Variants in NUP153 observed in about 807,000 individuals in gnomAD.
The protein encoded by NUP153 is nucleoporin 153.
In NUP153, 27 loss-of-function variants were observed where a neutral mutation model predicts 134.6. That is an observed-to-expected ratio of 0.20 (90% CI 0.15 to 0.28). The LOEUF is 0.28. Among genes scored for constraint, NUP153 ranks in the 10% least tolerant of loss-of-function variants. NUP153 has a pLI of 1.00. For missense variants in NUP153, 1,821 were observed against 1,731.3 expected (o/e 1.05, Z -0.92); for synonymous variants, 640 against 623.5 (o/e 1.03, Z -0.40).
At chr6:17,670,122 T>G (rs1212945574) in intron 5 of NUP153, among the ~76,000 whole-genome samples, 1 of 119,152 alleles carries the variant, frequency 8.4e-6, no homozygotes, top group Non-Finnish European at 1.8e-5. Context: ...AAAAAAAAAG[T>G]ACTACACGCT....
At chr6:17,616,290 G>GGGGGGGGGGGCCCCCC in intron 21 of NUP153, 109 bp from the exon 22 acceptor site, 1 of 473,886 alleles carries the variant, frequency 2.1e-6, no homozygotes, top group Non-Finnish European at 3.9e-6. Context: ...GGTGGGGGGG[G>GGGGGGGGGGGCCCCCC]AGTAGACTCA....
chr6:17,661,803 A>C, intron 10 of NUP153, 24 bp from the exon 11 acceptor site: 2 of 1,604,756 alleles, frequency 1.2e-6, no homozygotes, highest in Non-Finnish European at 1.7e-6. Flanking sequence ...AGAAAATTAA[A>C]ACAACTGATA....
intron 16 of NUP153, 60 bp downstream of exon 16, chr6:17,637,093 T>C: frequency 6.9e-7 from 1 of 1,451,938 alleles, no homozygotes; most frequent in Non-Finnish European, 9.3e-7. Context: ...ATTCTTAGAA[T>C]AAATTAAACT....
rs1209368855 is a variant in NUP153 at position 17,632,700 on chromosome 6, T to A, written c.2609A>T (p.Lys870Ile). The A allele has an allele frequency of 6.2e-7, 1 of 1,612,960 alleles. No individual in the cohort carries two copies. Among genetic ancestry groups the A allele is most frequent in the African/African-American group, 1.3e-5 (1 of 74,852 alleles). ...CTTTGCACTTTCACATGCCAAACATTTGGTAGAGTCTGCCTTATTCTGCAC... is the reference window on the plus strand; with the variant it reads ...CTTTGCACTTTCACATGCCAAACATATGGTAGAGTCTGCCTTATTCTGCAC... The part of the protein sequence containing the change: ...CLVQNKADST[K>I]CLACESAKPG... The change falls in exon 17 of 22, where the codon AAA becomes ATA. Residue 870 changes from lysine (K) to isoleucine (I), a missense_variant. Transcript: ENST00000262077.
chr6:17,661,485 T>A (rs1412676531), intron 11 of NUP153, among the ~76,000 whole-genome samples, 168 bp downstream of exon 11: 2 of 152,186 alleles, frequency 1.3e-5, no homozygotes. Context: ...CCATGAAATT[T>A]AAGGTACTAG....
rs542905767 is a variant in NUP153 at position 17,624,583 on chromosome 6, G to C, written c.4152C>G (p.Gly1384=). 12 of 1,614,160 alleles carry C rather than the reference G, an allele frequency of 7.4e-6. No individual in the cohort carries two copies. The East Asian group carries it at 2.7e-4, about 36-fold the overall frequency. The change falls in exon 20 of 22, where the codon GGC becomes GGG. Residue 1384 remains glycine (G), a synonymous_variant. Transcript: ENST00000262077. ...FGQQPSQSAF[G]SGTTPNSSSA... ...TACTAGAATTAGGAGTTGTTCCAGA[G>C]CCAAATGCAGACTGACTAGGTTGCT...
Position 17,675,401 on chromosome 6 carries a change from CA to C in NUP153, c.584-34del. On this transcript the variant is annotated intron_variant, in intron 3 of 21. Coordinates refer to ENST00000262077, the MANE Select transcript of NUP153 (RefSeq NM_005124.4). This position sits in a 1 kb window ranked among gnomAD's most constrained non-coding sequence, Gnocchi z 4.4. The stretch of plus-strand genomic sequence containing the variant: ...AAAATTACATAATCCATAGTAATAA[CA>C]CCAATACAAGAGCCTAGATTTTTAT... 1 of 1,600,882 alleles carries C rather than the reference CA, an allele frequency of 6.2e-7. No individual in the cohort carries two copies. The highest frequency in any genetic ancestry group is 8.5e-7 in the Non-Finnish European group (1 of 1,172,120).
rs1260355007 is a variant in NUP153, at chr6:17,625,463, C to T, written c.3901+345G>A. Among the ~76,000 whole-genome samples, 1 of 152,062 alleles carries T rather than the reference C, an allele frequency of 6.6e-6. No individual in the cohort carries two copies. The highest frequency in any genetic ancestry group is 1.9e-4 in the East Asian group (1 of 5,194). On this transcript the variant is annotated intron_variant, in intron 19 of 21. Coordinates refer to ENST00000262077, the MANE Select transcript of NUP153 (RefSeq NM_005124.4). The surrounding 1 kb of genome is among the most constrained non-coding windows in gnomAD (Gnocchi z 4.7). The stretch of plus-strand genomic sequence containing the variant: ...GAGAATTGCTTGAACTCGGGAGAGG[C>T]AGGTTGCAGTGAGCTGAGATTGCAC...
At chr6:17,688,207 AGTTT>A (rs1475169743) in intron 2 of NUP153, among the ~76,000 whole-genome samples, 185 bp downstream of exon 2, 2 of 152,248 alleles carry the variant, frequency 1.3e-5, no homozygotes, top group African/African-American at 4.8e-5. Context: ...TAACTGATAT[AGTTT>A]ATCAACCTTC....
chr6:17,616,105 T>C lies in NUP153; in HGVS notation c.4420A>G (p.Arg1474Gly). 1 of 1,611,354 alleles carries C rather than the reference T, an allele frequency of 6.2e-7. No homozygotes were observed. Among genetic ancestry groups the C allele is most frequent in the Non-Finnish European group, 8.5e-7 (1 of 1,177,462 alleles). ...GRKIKTAVRR[R>G]K ...CAACACCAATGTGACCTTTATTTCC[T>C]GCGTCTAACAGCAGTCTTTATCTTG... Residue 1474 changes from arginine (R) to glycine (G), a missense_variant, in exon 22 of 22, where the codon AGG (arginine) becomes GGG (glycine). By Grantham distance (125) the Arg-to-Gly change is moderately radical. Transcript: ENST00000262077.
intron 2 of NUP153, among the ~76,000 whole-genome samples, chr6:17,682,961 A>G (rs984770904): frequency 6.0e-5 from 9 of 150,958 alleles, no homozygotes; most frequent in African/African-American, 2.2e-4. Flanking sequence ...TTGCGCATCC[A>G]CAAGAAGCAA....
chr6:17,706,570 A>G lies in NUP153; in HGVS notation c.-183T>C. On this transcript the variant is annotated 5_prime_UTR_variant, in exon 1 of 22. Transcript: ENST00000262077. The surrounding 1 kb of genome is among the most constrained non-coding windows in gnomAD (Gnocchi z 5.9). ...TGCGAGCAGGAGCGGAGAGAGGGTG[A>G]GTGCTGGCAGCGGGGAAGGGGGTGG... 1.7e-6 allele frequency: 1 copy of G among 582,988 alleles called. No homozygotes were observed. The highest frequency in any genetic ancestry group is 3.0e-6 in the Non-Finnish European group (1 of 330,920). 36.1% of individuals were successfully genotyped at this position (582,988 alleles called of 1,614,324 possible).
intron 20 of NUP153, among the ~76,000 whole-genome samples, chr6:17,623,970 C>T (rs1333738114): frequency 6.6e-6 from 1 of 152,104 alleles, no homozygotes; most frequent in South Asian, 2.1e-4. Context: ...GGTTGTTATA[C>T]AGCATTTGCT....
chr6:17,702,202 A>T (rs148651242), intron 1 of NUP153, among the ~76,000 whole-genome samples: 142 of 152,224 alleles, frequency 9.3e-4, no homozygotes, highest in Middle Eastern at 3.4e-3. Context: ...ATTCACTCTC[A>T]ACTAGAAAAA....
chr6:17,616,289 G>GGGGGGT, intron 21 of NUP153, 108 bp from the exon 22 acceptor site: 1 of 467,364 alleles, frequency 2.1e-6, no homozygotes, highest in Non-Finnish European at 3.9e-6. Context: ...GGGTGGGGGG[G>GGGGGGT]GAGTAGACTC....
At chr6:17,623,589 G>C (rs1316359160) in intron 20 of NUP153, among the ~76,000 whole-genome samples, 3 of 152,082 alleles carry the variant, frequency 2.0e-5, no homozygotes, top group African/African-American at 4.8e-5. Flanking sequence ...ACATATACAA[G>C]AATGTACAGA....
chr6:17,678,519 T>C (rs1768372890), intron 2 of NUP153, among the ~76,000 whole-genome samples: 1 of 152,190 alleles, frequency 6.6e-6, no homozygotes, highest in Non-Finnish European at 1.5e-5. Flanking sequence ...CCTAGTAACA[T>C]GGTAAACTAT....
intron 8 of NUP153, among the ~76,000 whole-genome samples, chr6:17,665,904 G>C (rs182179490): frequency 6.6e-6 from 1 of 151,370 alleles, no homozygotes; most frequent in Non-Finnish European, 1.5e-5. Context: ...GCTCAGGCTG[G>C]TCTCAAACTC....
chr6:17,622,818 C>G (rs1162759831), intron 20 of NUP153, among the ~76,000 whole-genome samples: 5 of 151,986 alleles, frequency 3.3e-5, no homozygotes, highest in Admixed American at 3.3e-4. Flanking sequence ...CCTGATCTAA[C>G]CTTACAGTGT....
Sources: gnomAD v4.1 joint callset for allele counts (sites outside exome capture counted in the v4.1 genomes callset) on GRCh38, gnomAD v4.1.1 for gene constraint, Gnocchi (gnomAD v3.1) non-coding constraint, MANE v1.5 for transcripts, NCBI Gene and HGNC (gene_info 2026-07-23, HGNC 2026-07-21) for gene names.